LRRK2: variants seen among roughly 807,000 people sequenced by gnomAD.
LRRK2 encodes leucine-rich repeat serine/threonine-protein kinase 2.
LRRK2 carries 203 observed loss-of-function variants against 302.6 expected under a neutral mutation model. The ratio of observed to expected loss-of-function variants is 0.67; its 90% confidence interval spans 0.60 to 0.75. The LOEUF is 0.75. Ranked by LOEUF, LRRK2 falls within the 30% of genes least tolerant of loss-of-function variation. The pLI is 0.00. For missense variants in LRRK2, 2,830 were observed against 2,951.0 expected, an observed-to-expected ratio of 0.96 and a Z score of 0.95; for synonymous variants, 1,066 against 1,031.9, an observed-to-expected ratio of 1.03 and a Z score of -0.63.
rs567205454 is a variant in LRRK2, at chr12:40,226,985, A to T, written c.237+1345A>T. ...AGGCGTTTTGGTCTGCAGGGTCTAG[A>T]TAAGGCAGTGCTATACTTGACAACC... is the stretch of plus-strand genomic sequence containing the variant. On this transcript the variant is annotated intron_variant, in intron 2 of 50. Coordinates refer to ENST00000298910, the MANE Select transcript of LRRK2 (RefSeq NM_198578.4). Among the ~76,000 whole-genome samples, 5 of 152,222 alleles carry T rather than the reference A, an allele frequency of 3.3e-5. No individual in the cohort carries two copies. The East Asian group carries it at 9.7e-4, about 29-fold the overall frequency.
At chr12:40,311,943 A>G (rs1017802147) in intron 31 of LRRK2, among the ~76,000 whole-genome samples, 3 of 144,420 alleles carry the variant, frequency 2.1e-5, no homozygotes, top group African/African-American at 5.2e-5. Context: ...TTATTCATCC[A>G]ATTAATCTCT....
chr12:40,242,466 C>T (rs1565673567), intron 6 of LRRK2, among the ~76,000 whole-genome samples: 1 of 151,768 alleles, frequency 6.6e-6, no homozygotes, highest in Non-Finnish European at 1.5e-5. Context: ...TTCTGTTTTA[C>T]CTGTGTTTGT....
At position 40,335,112 on chromosome 12, in the gene LRRK2, G is replaced by A; in HGVS notation, c.5903G>A (p.Arg1968Lys). The change falls in exon 40 of 51, where the codon AGA (arginine) becomes AAA (lysine). Residue 1968 changes from arginine to lysine, a missense_variant. Physicochemically the swap from Arg to Lys is conservative, Grantham distance 26. Transcript: ENST00000298910. ...CAGCAGGACAAAGCCAGCCTCACTA[G>A]AACCCTACAGCACAGGATTGCACTC... ...LLQQDKASLT[R>K]TLQHRIALHV... The A allele has an allele frequency of 6.2e-7, 1 of 1,614,114 alleles. No individual in the cohort carries two copies. Among genetic ancestry groups the A allele is most frequent in the South Asian group, 1.1e-5 (1 of 91,082 alleles).
chr12:40,294,553 T>C (rs1015470952), intron 21 of LRRK2, among the ~76,000 whole-genome samples: 3 of 152,072 alleles, frequency 2.0e-5, no homozygotes, highest in African/African-American at 7.2e-5. Context: ...TAAAAAGTAG[T>C]TTGGTTAATG....
At chr12:40,359,199 T>C (rs1166653823) in intron 46 of LRRK2, 61 bp from the exon 47 acceptor site, 1 of 1,409,538 alleles carries the variant, frequency 7.1e-7, no homozygotes, top group Non-Finnish European at 9.8e-7. Context: ...ACAGATTTTA[T>C]GGAGTTTTGT....
In LRRK2 at chr12:40,282,121, TCCC is replaced by T. The variant is rs1592217416; in HGVS notation, c.2242-1752_2242-1750del. On this transcript the variant is annotated intron_variant, in intron 18 of 50. Transcript: ENST00000298910. ...TCCCCTCCCCTTCTCTTCCCTCCCCTCCCCTCCCCTCCCCTCCCCTCCCTTCTC... is the reference window on the plus strand; with the variant it reads ...TCCCCTCCCCTTCTCTTCCCTCCCCTCTCCCCTCCCCTCCCCTCCCTTCTC... 4.8e-5 allele frequency among the ~76,000 whole-genome samples: 3 copies of T among 62,998 alleles called. No individual in the cohort carries two copies. In the East Asian group the frequency reaches 1.9e-3, roughly 40 times the overall value. The allele number at this position is 62,998 out of a possible 152,430, so 41.3% of individuals were successfully genotyped here.
chr12:40,353,027 A>G (rs1183459096), intron 44 of LRRK2, among the ~76,000 whole-genome samples: 1 of 151,650 alleles, frequency 6.6e-6, no homozygotes, highest in East Asian at 1.9e-4. Context: ...CACTTCCCAG[A>G]AGGGGCGGCC....
At chr12:40,251,728 A>G (rs1435665771) in intron 10 of LRRK2, among the ~76,000 whole-genome samples, 184 bp downstream of exon 10, 1 of 152,222 alleles carries the variant, frequency 6.6e-6, no homozygotes, top group Non-Finnish European at 1.5e-5. Context: ...CAGGAGTTAG[A>G]AAAGGTAGAA....
chr12:40,237,046 T>C (rs1288939178), intron 4 of LRRK2, among the ~76,000 whole-genome samples: 2 of 152,016 alleles, frequency 1.3e-5, no homozygotes, highest in East Asian at 1.9e-4. Flanking sequence ...TGGATTATGA[T>C]AGGAAATGTT....
chr12:40,303,227 C>T (rs1356160221), intron 26 of LRRK2, among the ~76,000 whole-genome samples: 1 of 152,038 alleles, frequency 6.6e-6, no homozygotes, highest in Non-Finnish European at 1.5e-5. Flanking sequence ...TTAACTTTCA[C>T]ATTATGCTTA....
chr12:40,301,482 A>G (rs1376988913), intron 25 of LRRK2, among the ~76,000 whole-genome samples: 3 of 152,138 alleles, frequency 2.0e-5, no homozygotes, highest in East Asian at 3.9e-4. Flanking sequence ...CTGTGGCCTT[A>G]TGAGTGTTTT....
intron 7 of LRRK2, among the ~76,000 whole-genome samples, chr12:40,247,453 A>T (rs1444584380): frequency 6.7e-6 from 1 of 148,806 alleles, no homozygotes; most frequent in Non-Finnish European, 1.5e-5. Flanking sequence ...GTATATAAAA[A>T]TATGTATATA....
intron 5 of LRRK2, among the ~76,000 whole-genome samples, chr12:40,238,755 A>G (rs1941586798): frequency 6.6e-6 from 1 of 152,170 alleles, no homozygotes; most frequent in African/African-American, 2.4e-5. Context: ...AGGGGTTTAG[A>G]TAAGAATGAT....
chr12:40,289,570 T>A (rs1354302958), intron 20 of LRRK2, among the ~76,000 whole-genome samples: 3 of 149,440 alleles, frequency 2.0e-5, no homozygotes, highest in Non-Finnish European at 3.0e-5. Flanking sequence ...AGATTATATC[T>A]ATAAATTAAT....
At chr12:40,367,215 G>A (rs1327218753) in intron 50 of LRRK2, 138 bp downstream of exon 50, 2 of 714,786 alleles carry the variant, frequency 2.8e-6, no homozygotes, top group Non-Finnish European at 4.6e-6. Flanking sequence ...ATAGTGTAAA[G>A]AACTTAGACA....
At chr12:40,292,796 A>G (rs1944209564) in intron 20 of LRRK2, among the ~76,000 whole-genome samples, 1 of 151,938 alleles carries the variant, frequency 6.6e-6, no homozygotes, top group Non-Finnish European at 1.5e-5. Flanking sequence ...ATGCATTCAC[A>G]TTATTTATCT....
In LRRK2 at chr12:40,322,421, T is replaced by A. The variant is rs770424256; in HGVS notation, c.5420T>A (p.Leu1807Gln). The A allele has an allele frequency of 1.4e-5, 23 of 1,613,382 alleles. 1 individual carries two copies. The South Asian group carries it at 2.5e-4, about 18-fold the overall frequency. The change falls in exon 37 of 51, where the codon CTG (leucine) becomes CAG (glutamine). Residue 1807 changes from leucine (L) to glutamine (Q), a missense_variant. This residue lies in a region of LRRK2 where 2,121 missense variants were observed against 2,148.0 expected (regional missense o/e 0.99). Coordinates refer to ENST00000298910, the MANE Select transcript of LRRK2 (RefSeq NM_198578.4). ...GATATTTGTGGTGAAGGAGAAACTC[T>A]GTTGAAGAAATGGGCATTATATAGT... is the stretch of plus-strand genomic sequence containing the variant. ...EIDICGEGET[L>Q]LKKWALYSFN...
chr12:40,251,076 TA>T (rs1253504150), intron 8 of LRRK2, among the ~76,000 whole-genome samples, 155 bp from the exon 9 acceptor site: 1 of 151,778 alleles, frequency 6.6e-6, no homozygotes, highest in Admixed American at 6.6e-5. Flanking sequence ...ATGAGACGTA[TA>T]ATATATTAAA....
At chr12:40,299,807 A>T (rs375746824) in intron 25 of LRRK2, among the ~76,000 whole-genome samples, 1 of 152,134 alleles carries the variant, frequency 6.6e-6, no homozygotes, top group African/African-American at 2.4e-5. Flanking sequence ...AATTGTTAAT[A>T]ATAGGGGAAA....
Sources: gnomAD v4.1 joint callset for allele counts (sites outside exome capture counted in the v4.1 genomes callset) on GRCh38, gnomAD v4.1.1 for gene constraint, gnomAD v4.1.1 regional missense constraint, MANE v1.5 for transcripts, NCBI Gene and HGNC (gene_info 2026-07-23, HGNC 2026-07-21) for gene names.